The following MYBL1 variants were observed in gnomAD, a reference collection of about 807,000 sequenced individuals.
MYBL1 encodes the protein MYB proto-oncogene like 1.
A neutral mutation model predicts 96.3 loss-of-function variants in MYBL1; 17 were observed. That is an observed-to-expected ratio of 0.18 (90% CI 0.12 to 0.26). MYBL1 has a LOEUF of 0.26. Among genes scored for constraint, MYBL1 ranks in the 10% least tolerant of loss-of-function variants. MYBL1 has a pLI of 1.00. For missense variants in MYBL1, 701 were observed against 882.9 expected (o/e 0.79, Z 2.61); for synonymous variants, 282 against 292.7 (o/e 0.96, Z 0.37).
intron 1 of MYBL1, 134 bp downstream of exon 1, chr8:66,612,685 G>C: frequency 8.9e-7 from 1 of 1,123,106 alleles, no homozygotes; most frequent in Non-Finnish European, 1.2e-6. Flanking sequence ...AGGCCAAGCG[G>C]CCGCGGGGAC....
chr8:66,611,573 T>C (rs1292763727), intron 1 of MYBL1, among the ~76,000 whole-genome samples: 1 of 152,192 alleles, frequency 6.6e-6, no homozygotes, highest in Admixed American at 6.5e-5. Flanking sequence ...ATCTCCCCAT[T>C]ACAAAGAATT....
At chr8:66,580,093 T>C in intron 9 of MYBL1, 40 bp downstream of exon 9, 1 of 1,438,204 alleles carries the variant, frequency 7.0e-7, no homozygotes, top group Non-Finnish European at 9.6e-7. Context: ...ATCATATAAC[T>C]AAAATTGAAC....
Position 66,612,976 on chromosome 8 carries a change from T to A in MYBL1, c.-138A>T, listed in dbSNP as rs993621364. ...GAGGCGGCCGAGTGCGGAACGCACG[T>A]CCTCGACAGGGCAGGACGGAGGGAC... On this transcript the variant is annotated 5_prime_UTR_variant, in exon 1 of 16. Transcript: ENST00000522677. 4.0e-6 allele frequency: 4 copies of A among 992,010 alleles called. No homozygotes were observed. The highest frequency in any genetic ancestry group is 3.6e-5 in the Admixed American group (1 of 27,704). 61.5% of individuals were successfully genotyped at this position (992,010 alleles called of 1,614,324 possible).
chr8:66,588,217 G>A (rs372768290), intron 8 of MYBL1, among the ~76,000 whole-genome samples: 4 of 150,468 alleles, frequency 2.7e-5, no homozygotes, highest in South Asian at 2.1e-4. Context: ...CAAATAGGGC[G>A]ATAACTGGGC....
At chr8:66,589,337 G>T (rs1809545086) in intron 8 of MYBL1, among the ~76,000 whole-genome samples, 1 of 150,076 alleles carries the variant, frequency 6.7e-6, no homozygotes, top group Non-Finnish European at 1.5e-5. Context: ...TTTTGAGACA[G>T]GTTCTTGCTC....
At chr8:66,593,689 A>C (rs1253068210) in intron 6 of MYBL1, among the ~76,000 whole-genome samples, 1 of 152,208 alleles carries the variant, frequency 6.6e-6, no homozygotes, top group East Asian at 1.9e-4. Flanking sequence ...AAAAACAATC[A>C]GAATCACTCA....
intron 8 of MYBL1, among the ~76,000 whole-genome samples, chr8:66,584,197 T>C (rs992834989): frequency 2.0e-5 from 3 of 152,074 alleles, no homozygotes; most frequent in Non-Finnish European, 4.4e-5. Flanking sequence ...CGATAAAAAC[T>C]CTCAACAAGT....
intron 10 of MYBL1, among the ~76,000 whole-genome samples, 199 bp from the exon 11 acceptor site, chr8:66,573,705 G>A (rs768614337): frequency 6.6e-6 from 1 of 152,028 alleles, no homozygotes. Context: ...TGTCTCCCCA[G>A]CTCTTAGAAC....
At chr8:66,567,704 C>A (rs1808560817) in intron 12 of MYBL1, among the ~76,000 whole-genome samples, 1 of 152,052 alleles carries the variant, frequency 6.6e-6, no homozygotes, top group African/African-American at 2.4e-5. Flanking sequence ...TAACTTATAC[C>A]TTTCATAACC....
At chr8:66,601,652 G>T in intron 3 of MYBL1, 46 bp downstream of exon 3, 2 of 1,096,420 alleles carry the variant, frequency 1.8e-6, no homozygotes, top group Non-Finnish European at 2.6e-6. Context: ...TTAACCCAAT[G>T]CCTTAAACCA....
rs1456823086 is a variant in MYBL1 at position 66,572,568 on chromosome 8, T to A, written c.1642A>T (p.Ile548Leu). 6.3e-7 allele frequency: 1 copy of A among 1,588,162 alleles called. No individual in the cohort carries two copies. The highest frequency in any genetic ancestry group is 1.3e-5 in the African/African-American group (1 of 74,478). ...GFRTPTIRRS[I>L]LGTTPRTPTP... ...GGAGTTCTTGGTGTGGTACCCAGTA[T>A]AGATCTTCTAATAGTAGGTGTTCTA... is the stretch of plus-strand genomic sequence containing the variant. The change falls in exon 12 of 16, where the codon ATA (isoleucine) becomes TTA (leucine). Residue 548 changes from isoleucine to leucine, a missense_variant. Transcript: ENST00000522677.
chr8:66,575,969 T>C (rs764899911), intron 10 of MYBL1, 38 bp downstream of exon 10: 27 of 1,569,554 alleles, frequency 1.7e-5, no homozygotes, highest in Middle Eastern at 3.4e-4. Flanking sequence ...ATGTAACTCA[T>C]TGACATTTAG....
At position 66,613,214 on chromosome 8, in the gene MYBL1, T is replaced by C. The variant is rs1164940244; in HGVS notation, c.-376A>G. On this transcript the variant is annotated 5_prime_UTR_variant, in exon 1 of 16. Transcript: ENST00000522677. ...TGCCCTCTCCCCCGCAGCTAGCAGT[T>C]CTGCAGGGCTCGCAGTCTCCTGCAG... 2.5e-6 allele frequency: 1 copy of C among 399,808 alleles called. No individual in the cohort carries two copies. The highest frequency in any genetic ancestry group is 4.4e-6 in the Non-Finnish European group (1 of 225,926). 24.8% of individuals were successfully genotyped at this position (399,808 alleles called of 1,614,324 possible).
At chr8:66,592,152 G>A (rs998960563) in intron 8 of MYBL1, among the ~76,000 whole-genome samples, 1 of 151,970 alleles carries the variant, frequency 6.6e-6, no homozygotes. Flanking sequence ...TGTAGTCCCA[G>A]CTACTTGAGA....
chr8:66,596,908 C>T (rs1809873735), intron 5 of MYBL1, among the ~76,000 whole-genome samples: 2 of 152,238 alleles, frequency 1.3e-5, no homozygotes, highest in African/African-American at 4.8e-5. Context: ...TTTTCCCCAA[C>T]ACACTTTCAT....
At position 66,573,523 on chromosome 8, in the gene MYBL1, G is replaced by C. The variant is rs1161725839; in HGVS notation, c.1471-17C>G. The C allele has an allele frequency of 3.8e-6, 6 of 1,573,666 alleles. No individual in the cohort carries two copies. Among genetic ancestry groups the C allele is most frequent in the Admixed American group, 1.9e-5 (1 of 52,514 alleles). ...GTTGAAAAACTAGAAAGGGAAGAGA[G>C]TTTAAAGACGACTTCTAGAACATCA... is the stretch of plus-strand genomic sequence containing the variant. On this transcript the variant is annotated splice_polypyrimidine_tract_variant and intron_variant, in intron 10 of 15. Coordinates refer to ENST00000522677, the MANE Select transcript of MYBL1 (RefSeq NM_001080416.4).
chr8:66,607,928 CAA>C (rs1326953267), intron 1 of MYBL1, among the ~76,000 whole-genome samples: 1 of 152,162 alleles, frequency 6.6e-6, no homozygotes, highest in Non-Finnish European at 1.5e-5. Flanking sequence ...TTCAGATCCT[CAA>C]AGTTTCCATA....
intron 1 of MYBL1, among the ~76,000 whole-genome samples, chr8:66,603,706 G>C (rs73250233): frequency 0.13 from 20,262 of 151,656 alleles, 3,229 homozygotes; most frequent in African/African-American, 0.38. Flanking sequence ...TGCTCCACCC[G>C]CAATGCTGGT....
intron 2 of MYBL1, 31 bp downstream of exon 2, chr8:66,602,387 A>G (rs751311752): frequency 6.8e-7 from 1 of 1,479,712 alleles, no homozygotes; most frequent in East Asian, 2.3e-5. Context: ...AAATACATGT[A>G]AGAAACTATG....
Sources: allele counts gnomAD v4.1 joint callset (sites outside exome capture counted in the v4.1 genomes callset), GRCh38; gene constraint gnomAD v4.1.1; transcripts MANE v1.5; gene names NCBI Gene and HGNC (gene_info 2026-07-23, HGNC 2026-07-21).